ALLC: variants seen among roughly 807,000 people sequenced by gnomAD.
ALLC encodes allantoicase, also known as probable inactive allantoicase.
ALLC carries 40 observed loss-of-function variants against 45.0 expected under a neutral mutation model. That is an observed-to-expected ratio of 0.89 (90% confidence interval 0.69 to 1.16). ALLC has a LOEUF of 1.16. Among genes scored for constraint, ALLC ranks in the 50% most tolerant of loss-of-function variants. ALLC has a pLI of 0.00. For missense variants in ALLC, 488 were observed against 493.1 expected (o/e 0.99, Z 0.10); for synonymous variants, 176 against 178.1 (o/e 0.99, Z 0.09).
the ALLC span, among the ~76,000 whole-genome samples, chr2:3,651,145 C>T: frequency 6.6e-6 from 1 of 151,904 alleles, no homozygotes; most frequent in Non-Finnish European, 1.5e-5. Flanking sequence ...GACACACAGC[C>T]TGGGGCTGCC....
At chr2:3,668,594 G>A in intron 1 of ALLC, among the ~76,000 whole-genome samples, 1 of 19,686 alleles carries the variant, frequency 5.1e-5, no homozygotes, top group South Asian at 1.8e-3. Context: ...TTTTTTTTTT[G>A]AGATGGAGTC....
intron 1 of ALLC, among the ~76,000 whole-genome samples, chr2:3,668,841 G>C (rs545139237): frequency 6.6e-6 from 1 of 151,676 alleles, no homozygotes; most frequent in Non-Finnish European, 1.5e-5. Flanking sequence ...CTCCCAAAGT[G>C]TTGGGATTAC....
upstream of ALLC, among the ~76,000 whole-genome samples, chr2:3,654,253 C>A (rs1028797607): frequency 7.2e-5 from 11 of 152,210 alleles, no homozygotes; most frequent in Non-Finnish European, 1.2e-4. Context: ...GATGGGAGAA[C>A]CTGCAAAGTC....
intron 1 of ALLC, among the ~76,000 whole-genome samples, chr2:3,665,114 C>T (rs369915998): frequency 1.3e-4 from 20 of 152,194 alleles, no homozygotes; most frequent in East Asian, 5.8e-4. Flanking sequence ...CTGTTGACCT[C>T]GGGTGGTGCC....
chr2:3,649,397 A>G, the ALLC span, among the ~76,000 whole-genome samples: 1 of 151,962 alleles, frequency 6.6e-6, no homozygotes, highest in Non-Finnish European at 1.5e-5. Context: ...GCCCGCCACC[A>G]CGTCCGGCTA....
chr2:3,702,292 G>A (rs1667872890), intron 11 of ALLC, 71 bp from the exon 12 acceptor site: 2 of 1,374,572 alleles, frequency 1.5e-6, no homozygotes, highest in African/African-American at 1.5e-5. Context: ...AGGTTTGCCC[G>A]GGCCGTGGGC....
the ALLC span, among the ~76,000 whole-genome samples, chr2:3,651,268 A>G: frequency 2.5e-5 from 3 of 118,884 alleles, 1 homozygote; most frequent in East Asian, 8.1e-4. Context: ...GAGGGCGCTC[A>G]GGCCGCCGAT....
intron 11 of ALLC, 49 bp from the exon 12 acceptor site, chr2:3,702,314 C>T: frequency 6.4e-7 from 1 of 1,568,886 alleles, no homozygotes; most frequent in Non-Finnish European, 8.7e-7. Flanking sequence ...CATTCGGCCA[C>T]ACATGTCCTG....
chr2:3,668,987 C>T (rs945090809), intron 1 of ALLC, among the ~76,000 whole-genome samples: 2 of 152,166 alleles, frequency 1.3e-5, no homozygotes, highest in Admixed American at 6.5e-5. Context: ...CACCAGCACA[C>T]GCCCATCTCG....
chr2:3,651,430 TGTGTGTGTGTGTTAGGAA>T, the ALLC span, among the ~76,000 whole-genome samples: 3 of 59,666 alleles, frequency 5.0e-5, no homozygotes, highest in Non-Finnish European at 7.7e-5. Flanking sequence ...TGTGTGTGTG[TGTGTGTGTGTGTTAGGAA>T]GGGAGACGAG....
chr2:3,667,213 T>C (rs1268494653), intron 1 of ALLC, among the ~76,000 whole-genome samples: 1 of 152,192 alleles, frequency 6.6e-6, no homozygotes, highest in Non-Finnish European at 1.5e-5. Flanking sequence ...ACTGAGCGTG[T>C]GTCTTCAGTC....
chr2:3,678,492 C>T lies in ALLC; in HGVS notation c.109C>T (p.His37Tyr). Residue 37 changes from histidine (H) to tyrosine (Y), a missense_variant, in exon 4 of 12, where the codon CAT becomes TAT. By Grantham distance (83) the His-to-Tyr change is moderately conservative. Coordinates refer to ENST00000252505, the MANE Select transcript of ALLC (RefSeq NM_018436.4). Reference sequence around the variant, plus strand: ...GAGTGACAGCCCGTGCTTCAAAGAGCATGAATATACGGAGTTTGGGAAATG... The same window carrying T: ...GAGTGACAGCCCGTGCTTCAAAGAGTATGAATATACGGAGTTTGGGAAATG... Reference protein sequence around the residue: ...IKSDSPCFKEHEYTEFGKWMD... With the variant: ...IKSDSPCFKEYEYTEFGKWMD... The T allele has an allele frequency of 6.2e-7, 1 of 1,613,988 alleles. No homozygotes were observed. Among genetic ancestry groups the T allele is most frequent in the Non-Finnish European group, 8.5e-7 (1 of 1,179,846 alleles).
rs1666960186 is a variant in ALLC, at chr2:3,674,087, A to G, written c.46A>G (p.Thr16Ala). 1 of 1,557,968 alleles carries G rather than the reference A, an allele frequency of 6.4e-7. No homozygotes were observed. Among genetic ancestry groups the G allele is most frequent in the South Asian group, 1.2e-5 (1 of 84,750 alleles). ...TTTCTTTGTCTAGATTTTATTTGCA[A>G]CAGATGACTTTTTTGCTCCTGCAGA... ...ESVGGKILFA[T>A]DDFFAPAENL... The change falls in exon 3 of 12, where the codon ACA (threonine) becomes GCA (alanine). Residue 16 changes from threonine to alanine, a missense_variant. Coordinates refer to ENST00000252505, the MANE Select transcript of ALLC (RefSeq NM_018436.4).
At chr2:3,678,890 G>C (rs1361241635) in intron 4 of ALLC, among the ~76,000 whole-genome samples, 1 of 152,194 alleles carries the variant, frequency 6.6e-6, no homozygotes, top group Non-Finnish European at 1.5e-5. Context: ...CCTTACTACA[G>C]TCCTCTGGAG....
chr2:3,702,614 GTCT>G lies in ALLC; in HGVS notation c.*56_*58del. 6.8e-7 allele frequency: 1 copy of G among 1,479,594 alleles called. No homozygotes were observed. 91.7% of individuals were successfully genotyped at this position (1,479,594 alleles called of 1,614,324 possible). ...ACACAGCAGTAATTTCCCAGTCATA[GTCT>G]TCTTTTCAAATGTTTTGAACACCTG... On this transcript the variant is annotated 3_prime_UTR_variant, in exon 12 of 12. Transcript: ENST00000252505.
chr2:3,658,772 A>G (rs1004997013), intron 1 of ALLC, among the ~76,000 whole-genome samples: 6 of 150,514 alleles, frequency 4.0e-5, no homozygotes, highest in African/African-American at 1.2e-4. Flanking sequence ...GGAGGCTGAC[A>G]TGGGAGAATT....
intron 1 of ALLC, among the ~76,000 whole-genome samples, chr2:3,665,477 C>T (rs985878984): frequency 4.6e-5 from 7 of 152,174 alleles, no homozygotes; most frequent in Non-Finnish European, 8.8e-5. Flanking sequence ...CCCCCACCCC[C>T]GACAGGCCGG....
At chr2:3,686,447 T>G (rs13382638) in intron 7 of ALLC, among the ~76,000 whole-genome samples, 18,581 of 150,832 alleles carry the variant, frequency 0.12, 1,850 homozygotes, top group African/African-American at 0.2. Context: ...TTCATTTAAA[T>G]TTTACTTTTT....
chr2:3,646,813 G>A, the ALLC span, among the ~76,000 whole-genome samples: 4 of 152,262 alleles, frequency 2.6e-5, no homozygotes, highest in East Asian at 3.9e-4. Flanking sequence ...ATATTTCTCC[G>A]TTTCTGACTC....
Sources: allele counts gnomAD v4.1 joint callset (sites outside exome capture counted in the v4.1 genomes callset), GRCh38; gene constraint gnomAD v4.1.1; transcripts MANE v1.5; gene names NCBI Gene and HGNC (gene_info 2026-07-23, HGNC 2026-07-21).